The following PPIL1 variants were observed in gnomAD, a reference collection of about 807,000 sequenced individuals.
The protein encoded by PPIL1 is peptidylprolyl isomerase like 1, also known as peptidyl-prolyl cis-trans isomerase-like 1.
A neutral mutation model predicts 19.4 loss-of-function variants in PPIL1; 14 were observed. The observed-to-expected ratio is 0.72, with a 90% confidence interval of 0.48 to 1.13. The LOEUF (loss-of-function observed/expected upper bound fraction) is 1.13. Ranked by LOEUF, PPIL1 falls within the 50% of genes most tolerant of loss-of-function variation. PPIL1 has a pLI of 0.00. For synonymous variants in PPIL1, 72 were observed against 73.6 expected (o/e 0.98, Z 0.11); for missense variants, 192 against 218.0 (o/e 0.88, Z 0.75).
chr6:36,859,277 T>G (rs1466542422), intron 2 of PPIL1, among the ~76,000 whole-genome samples: 1 of 151,672 alleles, frequency 6.6e-6, no homozygotes, highest in Non-Finnish European at 1.5e-5. Context: ...ATACAAAAAT[T>G]AGCCAGGCGT....
At chr6:36,870,916 G>A (rs1350582263) in intron 2 of PPIL1, among the ~76,000 whole-genome samples, 2 of 152,140 alleles carry the variant, frequency 1.3e-5, no homozygotes, top group Admixed American at 6.6e-5. Context: ...GAGCCACCGT[G>A]CCCAGCCTAG....
intron 2 of PPIL1, among the ~76,000 whole-genome samples, chr6:36,862,826 C>G (rs1403340678): frequency 6.6e-6 from 1 of 152,220 alleles, no homozygotes; most frequent in Admixed American, 6.5e-5. Flanking sequence ...GACACAAACA[C>G]TTTGTTAATA....
At chr6:36,871,586 T>C (rs551047821) in intron 2 of PPIL1, 132 bp downstream of exon 2, 2 of 1,128,406 alleles carry the variant, frequency 1.8e-6, no homozygotes, top group East Asian at 2.6e-5. Context: ...CCTTAGTAAG[T>C]GGAAAAGAGA....
chr6:36,872,062 G>T, intron 1 of PPIL1, 190 bp from the exon 2 acceptor site: 2 of 493,546 alleles, frequency 4.1e-6, no homozygotes, highest in Non-Finnish European at 3.3e-6. Context: ...TCTTTTTTGA[G>T]TAAAACACGC....
intron 2 of PPIL1, among the ~76,000 whole-genome samples, chr6:36,867,483 T>C (rs1317027585): frequency 4.6e-5 from 7 of 152,222 alleles, no homozygotes; most frequent in Non-Finnish European, 1.0e-4. Flanking sequence ...GCTGAGATTC[T>C]CACAAATACC....
chr6:36,872,031 A>T, intron 1 of PPIL1, 159 bp from the exon 2 acceptor site: 1 of 618,900 alleles, frequency 1.6e-6, no homozygotes, highest in Non-Finnish European at 2.5e-6. Flanking sequence ...ACCACAATGC[A>T]AGTAACATAA....
At chr6:36,863,916 G>A (rs1362246843) in intron 2 of PPIL1, among the ~76,000 whole-genome samples, 2 of 151,666 alleles carry the variant, frequency 1.3e-5, no homozygotes, top group Admixed American at 6.6e-5. Flanking sequence ...CTCCTCCTCC[G>A]CCCCTCTGCT....
At chr6:36,863,198 G>GGC (rs1236555063) in intron 2 of PPIL1, among the ~76,000 whole-genome samples, 1 of 152,186 alleles carries the variant, frequency 6.6e-6, no homozygotes, top group Non-Finnish European at 1.5e-5. Flanking sequence ...ATGATTCAAA[G>GGC]TGCCACCTCG....
chr6:36,873,884 C>T (rs1333168883), intron 1 of PPIL1, among the ~76,000 whole-genome samples: 2 of 152,116 alleles, frequency 1.3e-5, no homozygotes, highest in Non-Finnish European at 2.9e-5. Context: ...AGGATTAATA[C>T]GTTTTTACTT....
intron 2 of PPIL1, among the ~76,000 whole-genome samples, chr6:36,858,935 C>T (rs979161301): frequency 7.2e-5 from 11 of 152,162 alleles, no homozygotes; most frequent in African/African-American, 1.9e-4. Flanking sequence ...CCAGGCTCTG[C>T]GTGCAGGACT....
intron 2 of PPIL1, among the ~76,000 whole-genome samples, chr6:36,860,076 C>T (rs550127774): frequency 2.0e-5 from 3 of 152,074 alleles, no homozygotes; most frequent in East Asian, 1.9e-4. Context: ...CTGCCAGGCT[C>T]GGCCTCCCAA....
At position 36,855,636 on chromosome 6, in the gene PPIL1, G is replaced by A. The variant is rs1190089653; in HGVS notation, c.*177C>T. ...TGGCAACCTAGGCACTGGGGGAAGA[G>A]AAAAGAAGCATCCTATTAAAATGTA... On this transcript the variant is annotated 3_prime_UTR_variant, in exon 4 of 4. Coordinates refer to ENST00000373699, the MANE Select transcript of PPIL1 (RefSeq NM_016059.5). The A allele has an allele frequency of 3.1e-6, 2 of 649,368 alleles. No individual in the cohort carries two copies. The highest frequency in any genetic ancestry group is 1.9e-5 in the South Asian group (1 of 52,072). The allele number at this position is 649,368 out of a possible 1,614,324, so 40.2% of individuals were successfully genotyped here.
At chr6:36,873,429 A>G (rs1164583771) in intron 1 of PPIL1, among the ~76,000 whole-genome samples, 1 of 152,218 alleles carries the variant, frequency 6.6e-6, no homozygotes, top group African/African-American at 2.4e-5. Flanking sequence ...AAACATACAT[A>G]CAGTATGATC....
At chr6:36,862,003 T>C (rs763321297) in intron 2 of PPIL1, among the ~76,000 whole-genome samples, 2 of 152,078 alleles carry the variant, frequency 1.3e-5, no homozygotes, top group African/African-American at 2.4e-5. Context: ...GCCTGTGTTG[T>C]TTCTTAAAAA....
At chr6:36,862,767 C>T (rs1774316549) in intron 2 of PPIL1, among the ~76,000 whole-genome samples, 2 of 152,164 alleles carry the variant, frequency 1.3e-5, no homozygotes, top group South Asian at 2.1e-4. Flanking sequence ...GAAAAAACAG[C>T]CCGTGGGATT....
chr6:36,856,830 A>G (rs1176445815), intron 2 of PPIL1, among the ~76,000 whole-genome samples, 176 bp from the exon 3 acceptor site: 1 of 152,210 alleles, frequency 6.6e-6, no homozygotes, highest in Non-Finnish European at 1.5e-5. Context: ...GCACATTCAA[A>G]TCATTGGTTT....
intron 2 of PPIL1, among the ~76,000 whole-genome samples, chr6:36,869,599 TAG>T (rs1462458399): frequency 3.3e-5 from 5 of 151,826 alleles, no homozygotes; most frequent in Non-Finnish European, 7.4e-5. Flanking sequence ...AAAAAACCAC[TAG>T]ACAAGAAATC....
chr6:36,862,307 T>C (rs1442079694), intron 2 of PPIL1, among the ~76,000 whole-genome samples: 3 of 152,002 alleles, frequency 2.0e-5, no homozygotes, highest in Non-Finnish European at 4.4e-5. Context: ...CTGGCAAGAG[T>C]GCCTCTAACA....
At chr6:36,869,023 C>T (rs935490933) in intron 2 of PPIL1, among the ~76,000 whole-genome samples, 9 of 151,894 alleles carry the variant, frequency 5.9e-5, no homozygotes, top group South Asian at 2.1e-4. Context: ...CTCACTGTGT[C>T]GCTCAGGCTG....
Sources: allele counts gnomAD v4.1 joint callset (sites outside exome capture counted in the v4.1 genomes callset), GRCh38; gene constraint gnomAD v4.1.1; transcripts MANE v1.5; gene names NCBI Gene and HGNC (gene_info 2026-07-23, HGNC 2026-07-21).